SLC8B1: variants seen among roughly 807,000 people sequenced by gnomAD.
The protein encoded by SLC8B1 is solute carrier family 8 member B1.
SLC8B1 carries 52 observed loss-of-function variants against 63.4 expected under a neutral mutation model. The observed-to-expected ratio is 0.82, with a 90% CI of 0.66 to 1.03. The LOEUF (loss-of-function observed/expected upper bound fraction) is 1.03. SLC8B1 is among the 50% of genes least tolerant of loss of function. The probability of loss-of-function intolerance (pLI) is 0.00; values close to 1 mark genes in which losing one functional copy is unlikely to be tolerated. For missense variants in SLC8B1, 657 were observed against 741.7 expected (o/e 0.89, Z 1.33); for synonymous variants, 336 against 323.9 (o/e 1.04, Z -0.40).
Position 113,318,749 on chromosome 12 carries a change from A to G in SLC8B1, c.802+215T>C, listed in dbSNP as rs7975046. Reference sequence around the variant, plus strand: ...ATGGCCCTGGCAACTGCATAGAGAGAAGGAAGGAGTGCACTTGAGCCTGCA... The same window carrying G: ...ATGGCCCTGGCAACTGCATAGAGAGGAGGAAGGAGTGCACTTGAGCCTGCA... On this transcript the variant is annotated intron_variant, in intron 8 of 15. Coordinates refer to ENST00000680972, the MANE Select transcript of SLC8B1 (RefSeq NM_001358345.2). 8.3e-3 allele frequency among the ~76,000 whole-genome samples: 1,257 copies of G among 152,204 alleles called. 15 individuals are homozygous for G. The highest frequency in any genetic ancestry group is 0.029 in the African/African-American group (1,188 of 41,484).
intron 12 of SLC8B1, 113 bp downstream of exon 12, chr12:113,310,119 CTT>C (rs1956736206): frequency 7.2e-7 from 1 of 1,392,184 alleles, no homozygotes. Context: ...GGTTACCTGT[CTT>C]TGTGTGACTC....
At position 113,310,108 on chromosome 12, in the gene SLC8B1, C is replaced by T. The variant is rs1344049010; in HGVS notation, c.1257+126G>A. On this transcript the variant is annotated intron_variant, in intron 12 of 15. Coordinates refer to ENST00000680972, the MANE Select transcript of SLC8B1 (RefSeq NM_001358345.2). ...CACTCTCAAAAGCAGCTTTAAAGTT[C>T]GGTTACCTGTCTTTGTGTGACTCCT... 1.1e-5 allele frequency: 14 copies of T among 1,292,954 alleles called. No individual in the cohort carries two copies. The Admixed American group carries it at 1.2e-4, about 11-fold the overall frequency. 80.1% of individuals were successfully genotyped at this position (1,292,954 alleles called of 1,614,324 possible). A position where few individuals can be genotyped will look rare whatever the true frequency, so the allele number is the denominator to read the frequency against.
chr12:113,329,112 A>C (rs1250948691), intron 2 of SLC8B1, among the ~76,000 whole-genome samples: 3 of 152,130 alleles, frequency 2.0e-5, no homozygotes, highest in African/African-American at 7.2e-5. Context: ...TGCCTGGCAG[A>C]GTAGGCCCTC....
rs193073135 is a variant in SLC8B1, at chr12:113,315,930, G to A, written c.994-454C>T. Reference sequence around the variant, plus strand: ...CACTGGATAAGCCAGGCTCATCTCAGATCTTTAATGATGGCTGGATGCGGT... The same window carrying A: ...CACTGGATAAGCCAGGCTCATCTCAAATCTTTAATGATGGCTGGATGCGGT... On this transcript the variant is annotated intron_variant, in intron 10 of 15. Coordinates refer to ENST00000680972, the MANE Select transcript of SLC8B1 (RefSeq NM_001358345.2). Among the ~76,000 whole-genome samples, 333 of 152,304 alleles carry A rather than the reference G, an allele frequency of 2.2e-3. 3 individuals carry two copies. Among genetic ancestry groups the A allele is most frequent in the African/African-American group, 7.6e-3 (318 of 41,570 alleles).
chr12:113,331,051 T>A (rs984881164), intron 2 of SLC8B1, among the ~76,000 whole-genome samples: 2 of 152,006 alleles, frequency 1.3e-5, no homozygotes, highest in African/African-American at 4.8e-5. Flanking sequence ...AGCGTCGTCA[T>A]TGGTCCTCCC....
intron 11 of SLC8B1, among the ~76,000 whole-genome samples, chr12:113,311,620 C>CA (rs935729602): frequency 9.0e-4 from 121 of 134,186 alleles, no homozygotes; most frequent in Non-Finnish European, 1.5e-3. Context: ...GATCTTGTCT[C>CA]AAAAAAAAAA....
chr12:113,304,845 C>T (rs1438065959), intron 14 of SLC8B1, among the ~76,000 whole-genome samples: 1 of 152,160 alleles, frequency 6.6e-6, no homozygotes, highest in African/African-American at 2.4e-5. Flanking sequence ...TCAAGTGATT[C>T]TCGTGCCTCA....
chr12:113,318,258 T>G (rs1593251245), intron 8 of SLC8B1, among the ~76,000 whole-genome samples: 1 of 152,028 alleles, frequency 6.6e-6, no homozygotes, highest in South Asian at 2.1e-4. Flanking sequence ...TGTATTTGTG[T>G]TGTGTGTGCA....
chr12:113,299,889 T>C lies in SLC8B1; in HGVS notation c.1643A>G (p.Gln548Arg). 6.2e-7 allele frequency: 1 copy of C among 1,614,154 alleles called. No individual in the cohort carries two copies. The highest frequency in any genetic ancestry group is 1.1e-5 in the South Asian group (1 of 91,086). Reference protein sequence around the residue: ...LVFSLVSVPLQCFQLSRVYGF... With the variant: ...LVFSLVSVPLRCFQLSRVYGF... Reference sequence around the variant, plus strand: ...ATAGACTCTGCTGAGCTGGAAGCACTGCAATGGGACTGAGACCAGGGAGAA... The same window carrying C: ...ATAGACTCTGCTGAGCTGGAAGCACCGCAATGGGACTGAGACCAGGGAGAA... The change falls in exon 16 of 16, where the codon CAG becomes CGG. Residue 548 changes from glutamine (Q) to arginine (R), a missense_variant. Physicochemically the swap from Gln to Arg is conservative, Grantham distance 43. Coordinates refer to ENST00000680972, the MANE Select transcript of SLC8B1 (RefSeq NM_001358345.2).
intron 11 of SLC8B1, among the ~76,000 whole-genome samples, chr12:113,313,093 A>C (rs1956785226): frequency 6.6e-6 from 1 of 151,980 alleles, no homozygotes; most frequent in Non-Finnish European, 1.5e-5. Flanking sequence ...TTTAATAGAG[A>C]CGAGGTTTCA....
Position 113,318,439 on chromosome 12 carries a change from G to A in SLC8B1, c.802+525C>T, listed in dbSNP as rs571154023. 9.9e-5 allele frequency among the ~76,000 whole-genome samples: 15 copies of A among 151,118 alleles called. No individual in the cohort carries two copies. In the South Asian group the frequency reaches 1.5e-3, roughly 15 times the overall value. ...TTGTATGTGTGTTGTGTGTATACAC[G>A]TATGTGTATGTGTTGTATGTGTGCA... is the stretch of plus-strand genomic sequence containing the variant. On this transcript the variant is annotated intron_variant, in intron 8 of 15. Coordinates refer to ENST00000680972, the MANE Select transcript of SLC8B1 (RefSeq NM_001358345.2).
intron 2 of SLC8B1, among the ~76,000 whole-genome samples, chr12:113,329,700 C>T (rs1281284084): frequency 2.0e-5 from 3 of 152,152 alleles, no homozygotes; most frequent in African/African-American, 7.2e-5. Context: ...GTCACTAACT[C>T]AGTCCCAGGA....
In SLC8B1 at chr12:113,315,424, T is replaced by C. The variant is rs1234269856; in HGVS notation, c.1046A>G (p.Lys349Arg). 1.3e-6 allele frequency: 2 copies of C among 1,598,210 alleles called. No individual in the cohort carries two copies. The highest frequency in any genetic ancestry group is 8.5e-7 in the Non-Finnish European group (1 of 1,172,826). The change falls in exon 11 of 16, where the codon AAG becomes AGG. Residue 349 changes from lysine to arginine, a missense_variant. Physicochemically the swap from Lys to Arg is conservative, Grantham distance 26. Coordinates refer to ENST00000680972, the MANE Select transcript of SLC8B1 (RefSeq NM_001358345.2). ...LLTVPVVDPD[K>R]DDQNWKRPLN... Reference sequence around the variant, plus strand: ...GGGCCGTTTCCAGTTCTGGTCATCCTTGTCCGGGTCCACGACGGGGACTGT... The same window carrying C: ...GGGCCGTTTCCAGTTCTGGTCATCCCTGTCCGGGTCCACGACGGGGACTGT...
intron 11 of SLC8B1, 69 bp from the exon 12 acceptor site, chr12:113,310,424 G>C: frequency 6.4e-7 from 1 of 1,556,948 alleles, no homozygotes; most frequent in Non-Finnish European, 8.7e-7. Context: ...TGGACTATTT[G>C]GATGTCAGGT....
In SLC8B1 at chr12:113,323,485, G is replaced by T. The variant is rs568747996; in HGVS notation, c.157-2137C>A. Among the ~76,000 whole-genome samples the T allele has an allele frequency of 3.1e-4, 47 of 152,306 alleles. 1 individual carries two copies. Among genetic ancestry groups the T allele is most frequent in the African/African-American group, 1.1e-3 (47 of 41,566 alleles). On this transcript the variant is annotated intron_variant, in intron 2 of 15. Transcript: ENST00000680972. ...GCACGTTGGGAGGCCGAGGTAGGCG[G>T]ATCACTTGAGGTCAGGAGTTCATGA...
Position 113,315,470 on chromosome 12 carries a change from C to A in SLC8B1, c.1000G>T (p.Val334Leu). 6.3e-7 allele frequency: 1 copy of A among 1,593,858 alleles called. No homozygotes were observed. The change falls in exon 11 of 16, where the codon GTG becomes TTG. Residue 334 changes from valine to leucine, a missense_variant. Physicochemically the swap from Val to Leu is conservative, Grantham distance 32. Transcript: ENST00000680972. ...WKALKVFKLP[V>L]EFLLLLTVPV... ...ACTGTGAGGAGCAGCAGGAACTCCA[C>A]AGGCAGCTGTCAAGGGGGCAAAAGT... is the stretch of plus-strand genomic sequence containing the variant.
chr12:113,309,871 G>T (rs1349622282), intron 12 of SLC8B1, among the ~76,000 whole-genome samples: 1 of 152,098 alleles, frequency 6.6e-6, no homozygotes, highest in Non-Finnish European at 1.5e-5. Flanking sequence ...GGGGGGTGGG[G>T]AAATGGGGAG....
chr12:113,321,432 T>G, intron 2 of SLC8B1, 84 bp from the exon 3 acceptor site: 2 of 1,580,914 alleles, frequency 1.3e-6, no homozygotes, highest in Admixed American at 1.7e-5. Flanking sequence ...CTAAACATAA[T>G]GTCCCTTCAG....
rs150171939 is a variant in SLC8B1 at position 113,307,799 on chromosome 12, C to T, written c.1303G>A (p.Ala435Thr). The change falls in exon 13 of 16, where the codon GCG (alanine) becomes ACG (threonine). Residue 435 changes from alanine (A) to threonine (T), a missense_variant. Coordinates refer to ENST00000680972, the MANE Select transcript of SLC8B1 (RefSeq NM_001358345.2). ...GFLTSALWIN[A>T]AATEVVNILR... ...ATGTTCACCACCTCTGTGGCGGCCG[C>T]GTTGATCCACAGGGCGCTGGTCAGA... 5.0e-6 allele frequency: 8 copies of T among 1,613,612 alleles called. No individual in the cohort carries two copies. Among genetic ancestry groups the T allele is most frequent in the African/African-American group, 4.0e-5 (3 of 75,030 alleles).
Sources: gnomAD v4.1 joint callset for allele counts (sites outside exome capture counted in the v4.1 genomes callset) on GRCh38, gnomAD v4.1.1 for gene constraint, MANE v1.5 for transcripts, NCBI Gene and HGNC (gene_info 2026-07-23, HGNC 2026-07-21) for gene names.